MARCHF1: variants seen among roughly 807,000 people sequenced by gnomAD.
MARCHF1 encodes the protein E3 ubiquitin-protein ligase MARCHF1.
In MARCHF1, 40 loss-of-function variants were observed where a neutral mutation model predicts 54.2. That is an observed-to-expected ratio of 0.74 (90% CI 0.57 to 0.96). The LOEUF (loss-of-function observed/expected upper bound fraction) is 0.96. Ranked by LOEUF, MARCHF1 falls within the 40% of genes least tolerant of loss-of-function variation. The probability of loss-of-function intolerance (pLI) is 0.00; values close to 1 mark genes in which losing one functional copy is unlikely to be tolerated. For synonymous variants in MARCHF1, 236 were observed against 236.3 expected (o/e 1.00, Z 0.01); for missense variants, 586 against 656.5 (o/e 0.89, Z 1.17).
chr4:163,975,164 G>GCTCTCT (rs55675178), intron 3 of MARCHF1, among the ~76,000 whole-genome samples: 1 of 127,100 alleles, frequency 7.9e-6, no homozygotes, highest in African/African-American at 2.9e-5. Context: ...TCATAATAAA[G>GCTCTCT]CTCTCTCTCT....
At chr4:164,245,590 T>G (rs1339419634) in intron 1 of MARCHF1, among the ~76,000 whole-genome samples, 1 of 151,890 alleles carries the variant, frequency 6.6e-6, no homozygotes, top group African/African-American at 2.4e-5. Flanking sequence ...GTGTTGGAAG[T>G]TCTGGCCAGG....
chr4:164,148,712 T>C (rs1238457344), intron 1 of MARCHF1, among the ~76,000 whole-genome samples: 1 of 152,182 alleles, frequency 6.6e-6, no homozygotes, highest in African/African-American at 2.4e-5. Context: ...AAATTCTAGC[T>C]AATTGACCAC....
intron 1 of MARCHF1, among the ~76,000 whole-genome samples, chr4:164,161,563 G>T (rs201045641): frequency 0.14 from 21,905 of 151,994 alleles, 2,232 homozygotes; most frequent in African/African-American, 0.27. Context: ...AGCAGCAGCA[G>T]CAGCAGCAGC....
At chr4:163,722,336 G>A (rs919333653) in intron 4 of MARCHF1, among the ~76,000 whole-genome samples, 39 of 152,062 alleles carry the variant, frequency 2.6e-4, no homozygotes, top group Non-Finnish European at 4.3e-4. Context: ...GTAGTTGAGC[G>A]GTTTTGAGTG....
At chr4:163,650,169 A>T (rs781335186) in intron 5 of MARCHF1, among the ~76,000 whole-genome samples, 35 of 151,980 alleles carry the variant, frequency 2.3e-4, no homozygotes, top group Non-Finnish European at 4.4e-4. Context: ...TGTGAAGTTG[A>T]TATTTAAAAA....
intron 3 of MARCHF1, among the ~76,000 whole-genome samples, chr4:163,943,082 C>T (rs949925698): frequency 2.0e-5 from 3 of 152,104 alleles, no homozygotes; most frequent in East Asian, 1.9e-4. Flanking sequence ...CTTATAATTG[C>T]TGGATATTAG....
At position 163,532,682 on chromosome 4, in the gene MARCHF1, A is replaced by G. The variant is rs78899721; in HGVS notation, c.1340-3636T>C. Among the ~76,000 whole-genome samples the G allele has an allele frequency of 4.9e-3, 739 of 152,112 alleles. 4 individuals carry two copies. The highest frequency in any genetic ancestry group is 0.016 in the African/African-American group (671 of 41,538). ...ATATACAAAGATCTGTTAACATTCA[A>G]TGATAAGAAAATAACCTAATTACAA... On this transcript the variant is annotated intron_variant, in intron 9 of 9. Coordinates refer to ENST00000514618, the MANE Select transcript of MARCHF1 (RefSeq NM_001394959.1).
chr4:164,150,913 G>A (rs1450032371), intron 1 of MARCHF1, among the ~76,000 whole-genome samples: 1 of 152,168 alleles, frequency 6.6e-6, no homozygotes, highest in African/African-American at 2.4e-5. Flanking sequence ...TGGGCCCAAA[G>A]TAATCACAAG....
intron 2 of MARCHF1, among the ~76,000 whole-genome samples, chr4:164,045,901 A>C (rs1443298998): frequency 6.6e-6 from 1 of 152,168 alleles, no homozygotes; most frequent in Middle Eastern, 3.2e-3. Context: ...GAACTGTGGA[A>C]GATCTGAGAT....
Position 163,801,025 on chromosome 4 carries a change from C to A in MARCHF1, c.111+52996G>T, listed in dbSNP as rs76948750. On this transcript the variant is annotated intron_variant, in intron 4 of 9. Coordinates refer to ENST00000514618, the MANE Select transcript of MARCHF1 (RefSeq NM_001394959.1). Reference sequence around the variant, plus strand: ...TGAACTGAAATACTCATGGGAAGAACACCAAGTACTAAATCTGTTCATGTC... The same window carrying A: ...TGAACTGAAATACTCATGGGAAGAAAACCAAGTACTAAATCTGTTCATGTC... Among the ~76,000 whole-genome samples, 948 of 152,218 alleles carry A rather than the reference C, an allele frequency of 6.2e-3. 5 individuals are homozygous for A. Among genetic ancestry groups the A allele is most frequent in the South Asian group, 0.016 (75 of 4,820 alleles).
intron 1 of MARCHF1, among the ~76,000 whole-genome samples, chr4:164,232,000 G>A (rs554350364): frequency 5.3e-5 from 8 of 151,850 alleles, no homozygotes; most frequent in South Asian, 2.1e-4. Context: ...TGTTTAATAG[G>A]GTGACTGACC....
At chr4:163,876,991 T>C (rs1357445432) in intron 3 of MARCHF1, among the ~76,000 whole-genome samples, 1 of 152,148 alleles carries the variant, frequency 6.6e-6, no homozygotes, top group Non-Finnish European at 1.5e-5. Context: ...AATGTAATTA[T>C]ATTACAACAT....
At chr4:163,612,226 G>A in intron 7 of MARCHF1, 45 bp downstream of exon 7, 2 of 1,418,712 alleles carry the variant, frequency 1.4e-6, no homozygotes, top group Non-Finnish European at 1.8e-6. Context: ...ACTGCAAAAA[G>A]AACTATATAT....
chr4:163,715,493 T>C (rs576057737), intron 4 of MARCHF1, among the ~76,000 whole-genome samples: 30 of 152,368 alleles, frequency 2.0e-4, no homozygotes, highest in Non-Finnish European at 1.2e-4. Flanking sequence ...TAAGCTATAC[T>C]GCATCTGTAT....
chr4:163,726,420 T>G (rs1745654754), intron 4 of MARCHF1, among the ~76,000 whole-genome samples: 1 of 152,208 alleles, frequency 6.6e-6, no homozygotes. Flanking sequence ...CATTTAACTT[T>G]TCTACATGTC....
At chr4:163,967,374 G>GC (rs1560840120) in intron 3 of MARCHF1, among the ~76,000 whole-genome samples, 1 of 152,118 alleles carries the variant, frequency 6.6e-6, no homozygotes, top group African/African-American at 2.4e-5. Context: ...ATCTCACTGT[G>GC]CTGCTGCACG....
chr4:163,662,550 G>A (rs1356244252), intron 5 of MARCHF1, among the ~76,000 whole-genome samples: 1 of 151,790 alleles, frequency 6.6e-6, no homozygotes, highest in Non-Finnish European at 1.5e-5. Flanking sequence ...AGCCCTCTGC[G>A]GCTTTAGTTG....
intron 2 of MARCHF1, among the ~76,000 whole-genome samples, chr4:164,059,402 A>G (rs1048849052): frequency 1.3e-5 from 2 of 152,186 alleles, no homozygotes; most frequent in South Asian, 4.1e-4. Context: ...TATTGACGTA[A>G]ATCTAAGTTT....
intron 1 of MARCHF1, among the ~76,000 whole-genome samples, chr4:164,302,904 G>C (rs72691866): frequency 3.7e-4 from 54 of 147,312 alleles, no homozygotes; most frequent in Non-Finnish European, 6.6e-4. Context: ...ATTCTATTTC[G>C]CATGCTATTA....
Sources: gnomAD v4.1 joint callset for allele counts (sites outside exome capture counted in the v4.1 genomes callset) on GRCh38, gnomAD v4.1.1 for gene constraint, MANE v1.5 for transcripts, NCBI Gene and HGNC (gene_info 2026-07-23, HGNC 2026-07-21) for gene names.